The following NTMT1 variants were observed in gnomAD, a reference collection of about 807,000 sequenced individuals.
The protein encoded by NTMT1 is N-terminal RCC1 methyltransferase.
Under a neutral mutation model 17.5 loss-of-function variants are expected in NTMT1, and 8 were observed. The ratio of observed to expected loss-of-function variants is 0.46; its 90% CI spans 0.27 to 0.82. The LOEUF is 0.82. Ranked by LOEUF, NTMT1 falls within the 40% of genes least tolerant of loss-of-function variation. NTMT1 has a pLI of 0.15. For missense variants in NTMT1, 221 were observed against 303.5 expected, an observed-to-expected ratio of 0.73 and a Z score of 2.02; for synonymous variants, 128 against 126.8, an observed-to-expected ratio of 1.01 and a Z score of -0.06.
chr9:129,634,671 T>G (rs748587071), intron 3 of NTMT1: 1 of 236,044 alleles, frequency 4.2e-6, no homozygotes, highest in Non-Finnish European at 8.3e-6. Flanking sequence ...CCCTGCACCC[T>G]CTTAGCCTAA....
chr9:129,612,974 C>CCCACGGTGACTTG (rs1402227796), intron 1 of NTMT1: 16 of 1,156,734 alleles, frequency 1.4e-5, no homozygotes, highest in Non-Finnish European at 1.9e-5. Context: ...ACTGCAAGCC[C>CCCACGGTGACTTG]CCACGGTGAC....
At chr9:129,631,628 C>T (rs1253716286) in intron 1 of NTMT1, among the ~76,000 whole-genome samples, 1 of 152,228 alleles carries the variant, frequency 6.6e-6, no homozygotes. Context: ...TGACTCATTG[C>T]TCTGTAGGAT....
chr9:129,613,293 C>G lies in NTMT1; in HGVS notation c.-55+4115C>G. Reference sequence around the variant, plus strand: ...CCCATGAGCTTCCTGGACTCTGAGTCCCCGGCCCACCCATGGCTGGCAGGG... The same window carrying G: ...CCCATGAGCTTCCTGGACTCTGAGTGCCCGGCCCACCCATGGCTGGCAGGG... On this transcript the variant is annotated intron_variant, in intron 1 of 3. Coordinates refer to the NTMT1 transcript ENST00000372486. The surrounding 1 kb of genome is among the most constrained non-coding windows in gnomAD (Gnocchi z 6.2). 1 of 1,570,328 alleles carries G rather than the reference C, an allele frequency of 6.4e-7. No homozygotes were observed. The highest frequency in any genetic ancestry group is 8.6e-7 in the Non-Finnish European group (1 of 1,156,742).
chr9:129,610,852 A>ACGG (rs1361615505), intron 1 of NTMT1, among the ~76,000 whole-genome samples: 1 of 151,964 alleles, frequency 6.6e-6, no homozygotes, highest in African/African-American at 2.4e-5. Context: ...GCCTGCTGAG[A>ACGG]CGGGGGACGG....
chr9:129,622,068 C>T (rs944089643), upstream of NTMT1, among the ~76,000 whole-genome samples: 1 of 152,222 alleles, frequency 6.6e-6, no homozygotes, highest in Admixed American at 6.5e-5. Context: ...GCCGCAGCCA[C>T]CTGGGGCACT....
chr9:129,615,033 C>T lies in NTMT1; in HGVS notation c.-55+5855C>T, dbSNP rs968148627. 5.3e-5 allele frequency among the ~76,000 whole-genome samples: 8 copies of T among 152,234 alleles called. No homozygotes were observed. The East Asian group carries it at 5.8e-4, about 11-fold the overall frequency. ...CTGTCTCCAGGAGAGAGAAAGTTTC[C>T]GCTTCGCGGCTTTTCTGGGCACCTC... On this transcript the variant is annotated intron_variant, in intron 1 of 3. Transcript: ENST00000372486.
rs1354577478 is a variant in NTMT1 at position 129,613,656 on chromosome 9, C to G, written c.-55+4478C>G. The G allele has an allele frequency of 1.9e-5, 31 of 1,597,498 alleles. No homozygotes were observed. Among genetic ancestry groups the G allele is most frequent in the Non-Finnish European group, 2.6e-5 (30 of 1,168,862 alleles). On this transcript the variant is annotated intron_variant, in intron 1 of 3. Transcript: ENST00000372486. This position sits in a 1 kb window ranked among gnomAD's most constrained non-coding sequence, Gnocchi z 6.2. ...CAGGAGGAGGGCACTGGTGCCCCCACCCTCTTTTCCTCCCTCTGGCAGGCA... is the reference window on the plus strand; with the variant it reads ...CAGGAGGAGGGCACTGGTGCCCCCAGCCTCTTTTCCTCCCTCTGGCAGGCA...
upstream of NTMT1, among the ~76,000 whole-genome samples, chr9:129,622,890 G>A (rs1417903188): frequency 6.6e-6 from 1 of 152,010 alleles, no homozygotes; most frequent in Non-Finnish European, 1.5e-5. Flanking sequence ...TTAGCCGGGC[G>A]TGACAGCGTG....
rs1830888763 is a variant in NTMT1, at chr9:129,626,272, C to G, written c.-78C>G. The G allele has an allele frequency of 6.6e-6, 1 of 152,250 alleles. No homozygotes were observed. The highest frequency in any genetic ancestry group is 1.5e-5 in the Non-Finnish European group (1 of 68,094). 9.4% of individuals were successfully genotyped at this position (152,250 alleles called of 1,614,324 possible). A position where few individuals can be genotyped will look rare whatever the true frequency, so the allele number is the denominator to read the frequency against. On this transcript the variant is annotated 5_prime_UTR_variant, in exon 1 of 4. Transcript: ENST00000372483. ...CTTCCTCTTCCCCATCTTCTTCTCT[C>G]GGTCCCGGGAGCCCCCGCCCGGAGT...
intron 2 of NTMT1, among the ~76,000 whole-genome samples, chr9:129,633,833 A>G (rs1439633865): frequency 6.6e-6 from 1 of 152,142 alleles, no homozygotes; most frequent in African/African-American, 2.4e-5. Context: ...TGCAACCTGA[A>G]CTTTCAAAGA....
rs1039720016 is a variant in NTMT1 at position 129,635,538 on chromosome 9, G to A, written c.*74G>A. ...GCTGGCAGCTGGGCAAGATCCAGGC[G>A]CCACGCTGGCGGTTCGTGAGTGTCG... is the stretch of plus-strand genomic sequence containing the variant. On this transcript the variant is annotated 3_prime_UTR_variant, in exon 4 of 4. Coordinates refer to ENST00000372483, the MANE Select transcript of NTMT1 (RefSeq NM_014064.4). 58 of 1,522,264 alleles carry A rather than the reference G, an allele frequency of 3.8e-5. No individual in the cohort carries two copies. The highest frequency in any genetic ancestry group is 2.7e-4 in the East Asian group (12 of 44,110). The allele number at this position is 1,522,264 out of a possible 1,614,324, so 94.3% of individuals were successfully genotyped here.
intron 1 of NTMT1, among the ~76,000 whole-genome samples, chr9:129,629,544 G>T (rs1379615005): frequency 7.9e-5 from 12 of 152,140 alleles, no homozygotes; most frequent in Non-Finnish European, 1.3e-4. Context: ...GTGTATTTTT[G>T]ACAGAGATGG....
intron 1 of NTMT1, among the ~76,000 whole-genome samples, chr9:129,616,989 C>A (rs1830421315): frequency 6.6e-6 from 1 of 152,060 alleles, no homozygotes; most frequent in East Asian, 1.9e-4. Flanking sequence ...ATCACTTGAA[C>A]CCAGGAGGTA....
chr9:129,620,780 G>T lies in NTMT1; in HGVS notation c.-55+11602G>T. The T allele has an allele frequency of 4.7e-6, 2 of 427,126 alleles. No homozygotes were observed. The highest frequency in any genetic ancestry group is 7.9e-6 in the Non-Finnish European group (2 of 254,092). 26.5% of individuals were successfully genotyped at this position (427,126 alleles called of 1,614,324 possible). A position where few individuals can be genotyped will look rare whatever the true frequency, so the allele number is the denominator to read the frequency against. On this transcript the variant is annotated intron_variant, in intron 1 of 3. Transcript: ENST00000372486. The surrounding 1 kb of genome is among the most constrained non-coding windows in gnomAD (Gnocchi z 5.8). ...TCTGTTTCCTCACCTGAAAAATGGT[G>T]ACAGCAAGAGTAGCCAACTTTGGGG...
In NTMT1 at chr9:129,635,582, C is replaced by A; in HGVS notation, c.*118C>A. The A allele has an allele frequency of 8.2e-7, 1 of 1,226,654 alleles. No homozygotes were observed. The highest frequency in any genetic ancestry group is 1.1e-6 in the Non-Finnish European group (1 of 879,760). 76.0% of individuals were successfully genotyped at this position (1,226,654 alleles called of 1,614,324 possible). On this transcript the variant is annotated 3_prime_UTR_variant, in exon 4 of 4. Transcript: ENST00000372483. ...AGTGTCGAGGCACCACTAAATATAGCTGTCTGCCGTCCACTCATTATGCGG... is the reference window on the plus strand; with the variant it reads ...AGTGTCGAGGCACCACTAAATATAGATGTCTGCCGTCCACTCATTATGCGG...
chr9:129,626,725 G>A (rs538098761), intron 1 of NTMT1, among the ~76,000 whole-genome samples: 2 of 152,326 alleles, frequency 1.3e-5, no homozygotes, highest in South Asian at 4.1e-4. Context: ...CACAGAAGTT[G>A]CTGTCGTATT....
At chr9:129,622,188 T>G (rs372492766), upstream of NTMT1, among the ~76,000 whole-genome samples, 119 of 152,166 alleles carry the variant, frequency 7.8e-4, no homozygotes, top group African/African-American at 2.8e-3. Context: ...CAGAATACAA[T>G]GGACCTAGAA....
intron 1 of NTMT1, chr9:129,626,640 G>A (rs1332467513): frequency 6.6e-6 from 1 of 152,332 alleles, no homozygotes. Flanking sequence ...GCGCCCACTT[G>A]GAGGATGGAT....
At position 129,620,604 on chromosome 9, in the gene NTMT1, C is replaced by G; in HGVS notation, c.-55+11426C>G. On this transcript the variant is annotated intron_variant, in intron 1 of 3. Coordinates refer to the NTMT1 transcript ENST00000372486. This position sits in a 1 kb window ranked among gnomAD's most constrained non-coding sequence, Gnocchi z 5.8. The stretch of plus-strand genomic sequence containing the variant: ...GGCCCCGCACTCAGCTCACCGCACC[C>G]TCAGCGCGCGTGGGTGGGGGGCGCC... 8 of 1,311,290 alleles carry G rather than the reference C, an allele frequency of 6.1e-6. No individual in the cohort carries two copies. Among genetic ancestry groups the G allele is most frequent in the Non-Finnish European group, 7.8e-6 (8 of 1,029,270 alleles). 81.2% of individuals were successfully genotyped at this position (1,311,290 alleles called of 1,614,324 possible). A position where few individuals can be genotyped will look rare whatever the true frequency, so the allele number is the denominator to read the frequency against.
Sources: allele counts gnomAD v4.1 joint callset (sites outside exome capture counted in the v4.1 genomes callset), GRCh38; gene constraint gnomAD v4.1.1; non-coding constraint Gnocchi (gnomAD v3.1); transcripts MANE v1.5; gene names NCBI Gene and HGNC (gene_info 2026-07-23, HGNC 2026-07-21).